Variants in DLGAP2 observed in about 807,000 individuals in gnomAD.
DLGAP2 encodes the protein disks large-associated protein 2.
DLGAP2 carries 26 observed loss-of-function variants against 100.3 expected under a neutral mutation model. The ratio of observed to expected loss-of-function variants is 0.26; its 90% CI spans 0.19 to 0.36. The LOEUF is 0.36. DLGAP2 is among the 10% of genes least tolerant of loss of function. The probability of loss-of-function intolerance (pLI) is 1.00; values close to 1 mark genes in which losing one functional copy is unlikely to be tolerated. For missense variants in DLGAP2, 1,858 were observed against 1,453.2 expected, an observed-to-expected ratio of 1.28 and a Z score of -4.53; for synonymous variants, 886 against 630.1, an observed-to-expected ratio of 1.41 and a Z score of -6.08.
At chr8:1,575,650 G>T (rs977209892) in intron 6 of DLGAP2, among the ~76,000 whole-genome samples, 1 of 117,366 alleles carries the variant, frequency 8.5e-6, no homozygotes, top group African/African-American at 3.4e-5. Context: ...CCTAGTGTGT[G>T]ATGTTCCCCT....
At chr8:1,180,558 G>A (rs535062726) in intron 2 of DLGAP2, among the ~76,000 whole-genome samples, 23 of 152,258 alleles carry the variant, frequency 1.5e-4, no homozygotes, top group African/African-American at 5.3e-4. Context: ...ACCAGTGCGT[G>A]TGGCACACAT....
At chr8:1,444,738 G>C (rs1247871198) in intron 3 of DLGAP2, among the ~76,000 whole-genome samples, 1 of 148,562 alleles carries the variant, frequency 6.7e-6, no homozygotes, top group Non-Finnish European at 1.5e-5. Flanking sequence ...GGCATAGTAG[G>C]CATTTCATGA....
chr8:1,004,470 G>T lies in DLGAP2; in HGVS notation c.73+96504G>T, dbSNP rs138111262. ...ACACGTCCAGATTTGGCTTGACTTG[G>T]AGTATTATATTCAAAATAGAGTCGG... On this transcript the variant is annotated intron_variant, in intron 2 of 14. Transcript: ENST00000637795. Among the ~76,000 whole-genome samples, 371 of 152,290 alleles carry T rather than the reference G, an allele frequency of 2.4e-3. 4 individuals are homozygous for T. The highest frequency in any genetic ancestry group is 1.7e-3 in the Non-Finnish European group (118 of 68,040).
intron 2 of DLGAP2, among the ~76,000 whole-genome samples, chr8:1,175,824 A>G (rs1797239965): frequency 6.6e-6 from 1 of 152,234 alleles, no homozygotes; most frequent in African/African-American, 2.4e-5. Flanking sequence ...GTATAGAGGA[A>G]GGCACTCGGC....
At chr8:1,499,274 C>G (rs549261186) in intron 3 of DLGAP2, among the ~76,000 whole-genome samples, 1 of 152,342 alleles carries the variant, frequency 6.6e-6, no homozygotes, top group Non-Finnish European at 1.5e-5. Flanking sequence ...CTTGTCATTG[C>G]AACTGGGTGA....
chr8:1,511,640 T>A (rs1369865620), intron 4 of DLGAP2, among the ~76,000 whole-genome samples: 4 of 151,802 alleles, frequency 2.6e-5, no homozygotes, highest in African/African-American at 9.7e-5. Context: ...AATCAGTAGA[T>A]GACCATCTTC....
intron 3 of DLGAP2, among the ~76,000 whole-genome samples, chr8:1,357,370 C>G (rs1801880465): frequency 6.6e-6 from 1 of 151,862 alleles, no homozygotes. Flanking sequence ...CCAGATACAA[C>G]CCCTTCCTGA....
At chr8:824,854 C>G (rs934981674) in intron 1 of DLGAP2, among the ~76,000 whole-genome samples, 3 of 152,164 alleles carry the variant, frequency 2.0e-5, no homozygotes, top group Admixed American at 6.5e-5. Flanking sequence ...CAGCCTCCAG[C>G]CGCAATTCAC....
Position 1,361,791 on chromosome 8 carries a change from A to G in DLGAP2, c.106+102908A>G, listed in dbSNP as rs149601705. 1.0e-2 allele frequency among the ~76,000 whole-genome samples: 1,518 copies of G among 152,332 alleles called. 19 individuals carry two copies. Among genetic ancestry groups the G allele is most frequent in the Middle Eastern group, 0.014 (4 of 294 alleles). On this transcript the variant is annotated intron_variant, in intron 3 of 14. Coordinates refer to ENST00000637795, the MANE Select transcript of DLGAP2 (RefSeq NM_001346810.2). ...CCAGTGGAGGAGAAAACCCTCCAAG[A>G]ATCCACCTCCGTGAGTCAAATTCTA...
intron 6 of DLGAP2, among the ~76,000 whole-genome samples, chr8:1,625,783 A>G (rs1036956751): frequency 7.2e-5 from 11 of 152,228 alleles, no homozygotes; most frequent in Non-Finnish European, 1.5e-4. Context: ...ATAAAATCTC[A>G]GGTTTCAAAG....
intron 3 of DLGAP2, among the ~76,000 whole-genome samples, chr8:1,268,609 G>A (rs1799514970): frequency 6.6e-6 from 1 of 152,170 alleles, no homozygotes; most frequent in African/African-American, 2.4e-5. Flanking sequence ...TCTGCTGAGA[G>A]TCAAGTATCC....
In DLGAP2 at chr8:1,536,995, G is replaced by A. The variant is rs909678178; in HGVS notation, c.173-11631G>A. On this transcript the variant is annotated intron_variant, in intron 4 of 14. Transcript: ENST00000637795. ...ATGCTCACCACGACCCTCCAAGGCCGGTACAATGATTACGGGCCCTTCACA... is the reference window on the plus strand; with the variant it reads ...ATGCTCACCACGACCCTCCAAGGCCAGTACAATGATTACGGGCCCTTCACA... Among the ~76,000 whole-genome samples the A allele has an allele frequency of 4.6e-5, 7 of 152,050 alleles. No individual in the cohort carries two copies. The East Asian group carries it at 1.4e-3, about 30-fold the overall frequency.
intron 1 of DLGAP2, among the ~76,000 whole-genome samples, chr8:746,382 G>A (rs1202735354): frequency 6.6e-6 from 1 of 152,258 alleles, no homozygotes; most frequent in Non-Finnish European, 1.5e-5. Flanking sequence ...GGCTGCGGAT[G>A]AGGAAACTGG....
chr8:913,077 G>T (rs529301116), intron 2 of DLGAP2, among the ~76,000 whole-genome samples: 1 of 152,192 alleles, frequency 6.6e-6, no homozygotes, highest in East Asian at 1.9e-4. Context: ...ATTTACATAG[G>T]TTGAGCAAAT....
intron 14 of DLGAP2, 49 bp downstream of exon 14, chr8:1,697,348 T>C (rs1738503288): frequency 6.5e-7 from 1 of 1,540,526 alleles, no homozygotes; most frequent in Admixed American, 2.0e-5. Context: ...CCTTTCTCAC[T>C]GCACTAACGA....
At chr8:1,290,474 C>G (rs1800034157) in intron 3 of DLGAP2, among the ~76,000 whole-genome samples, 1 of 152,160 alleles carries the variant, frequency 6.6e-6, no homozygotes, top group South Asian at 2.1e-4. Context: ...TAATTCTCAT[C>G]AGAGGATAAA....
intron 4 of DLGAP2, among the ~76,000 whole-genome samples, chr8:1,531,728 G>T (rs1346828093): frequency 1.3e-5 from 2 of 152,102 alleles, no homozygotes; most frequent in Non-Finnish European, 2.9e-5. Context: ...AACTCGTGTG[G>T]TCTTGGTGTG....
intron 2 of DLGAP2, among the ~76,000 whole-genome samples, chr8:1,167,678 G>A (rs1028670169): frequency 1.3e-5 from 2 of 152,118 alleles, no homozygotes; most frequent in African/African-American, 4.8e-5. Flanking sequence ...GGCACGCAAT[G>A]GAATATTCTT....
intron 2 of DLGAP2, among the ~76,000 whole-genome samples, chr8:1,154,957 C>T (rs908964723): frequency 6.6e-6 from 1 of 152,214 alleles, no homozygotes; most frequent in African/African-American, 2.4e-5. Context: ...CACTGCAGCC[C>T]CTCACCAGGA....
Sources: gnomAD v4.1 joint callset for allele counts (sites outside exome capture counted in the v4.1 genomes callset) on GRCh38, gnomAD v4.1.1 for gene constraint, MANE v1.5 for transcripts, NCBI Gene and HGNC (gene_info 2026-07-23, HGNC 2026-07-21) for gene names.